The following MIER1 variants were observed in gnomAD, a reference collection of about 807,000 sequenced individuals.
MIER1 encodes the protein MIER1 transcriptional regulator, also known as mesoderm induction early response protein 1.
MIER1 carries 40 observed loss-of-function variants against 75.7 expected under a neutral mutation model. The ratio of observed to expected loss-of-function variants is 0.53; its 90% CI spans 0.41 to 0.69. The LOEUF (loss-of-function observed/expected upper bound fraction) is 0.69. Ranked by LOEUF, MIER1 falls within the 30% of genes least tolerant of loss-of-function variation. MIER1 has a pLI of 0.00. For missense variants in MIER1, 574 were observed against 680.2 expected (o/e 0.84, Z 1.74); for synonymous variants, 213 against 223.4 (o/e 0.95, Z 0.42).
chr1:66,971,273 T>C (rs1663551827), intron 9 of MIER1, among the ~76,000 whole-genome samples: 1 of 152,110 alleles, frequency 6.6e-6, no homozygotes, highest in Non-Finnish European at 1.5e-5. Context: ...CTTATGTACA[T>C]GGTAAGACCA....
chr1:66,925,868 A>G (rs751084870), intron 1 of MIER1, among the ~76,000 whole-genome samples: 1 of 152,218 alleles, frequency 6.6e-6, no homozygotes, highest in Non-Finnish European at 1.5e-5. Context: ...TGACTTGGCT[A>G]TTGAGGCCGC....
intron 2 of MIER1, among the ~76,000 whole-genome samples, chr1:66,936,017 CTTTTTTAAA>C (rs1343382669): frequency 1.3e-5 from 2 of 151,870 alleles, no homozygotes; most frequent in East Asian, 3.9e-4. Context: ...GTCTTGGTGT[CTTTTTTAAA>C]ATATATCAGT....
intron 3 of MIER1, among the ~76,000 whole-genome samples, chr1:66,945,709 T>C (rs1008194968): frequency 2.6e-5 from 4 of 152,090 alleles, no homozygotes; most frequent in Admixed American, 6.5e-5. Context: ...CAAAAAAATA[T>C]TAAAAAATTA....
chr1:66,950,260 C>T (rs1259239970), intron 4 of MIER1, among the ~76,000 whole-genome samples: 1 of 152,110 alleles, frequency 6.6e-6, no homozygotes, highest in African/African-American at 2.4e-5. Context: ...AGGCATGTGC[C>T]ACCAAGCCCA....
intron 8 of MIER1, among the ~76,000 whole-genome samples, chr1:66,964,232 C>A (rs1217677338): frequency 6.6e-6 from 1 of 151,124 alleles, no homozygotes; most frequent in East Asian, 2.0e-4. Flanking sequence ...CCACCACGCC[C>A]AGCTAATTTT....
At chr1:66,970,218 A>C (rs904301709) in intron 8 of MIER1, among the ~76,000 whole-genome samples, 1 of 152,228 alleles carries the variant, frequency 6.6e-6, no homozygotes, top group Non-Finnish European at 1.5e-5. Flanking sequence ...TTAAAAAAGT[A>C]ATGACTTGTT....
intron 10 of MIER1, 84 bp downstream of exon 10, chr1:66,971,820 T>C: frequency 1.6e-6 from 1 of 633,584 alleles, no homozygotes; most frequent in Non-Finnish European, 2.7e-6. Flanking sequence ...TAGCCTAAAC[T>C]TAATAATACT....
At chr1:66,931,446 T>C (rs1400128087) in intron 2 of MIER1, among the ~76,000 whole-genome samples, 2 of 152,212 alleles carry the variant, frequency 1.3e-5, no homozygotes, top group African/African-American at 4.8e-5. Flanking sequence ...TAAGCCACTG[T>C]AAATTTTGAT....
At chr1:66,928,740 C>T (rs1274906158) in intron 2 of MIER1, 1 of 537,980 alleles carries the variant, frequency 1.9e-6, no homozygotes, top group East Asian at 2.9e-5. Flanking sequence ...TATTTATTCC[C>T]CCAAGGAATC....
chr1:66,980,142 T>C (rs560651215), intron 12 of MIER1, among the ~76,000 whole-genome samples: 1 of 152,350 alleles, frequency 6.6e-6, no homozygotes, highest in African/African-American at 2.4e-5. Context: ...TCATCATGTG[T>C]CTTCTGTTAG....
chr1:66,982,515 C>T lies in MIER1; in HGVS notation c.1369+597C>T, dbSNP rs370609029. Among the ~76,000 whole-genome samples the T allele has an allele frequency of 3.3e-5, 5 of 152,198 alleles. No individual in the cohort carries two copies. In the East Asian group the frequency reaches 5.8e-4, roughly 18 times the overall value. On this transcript the variant is annotated intron_variant, in intron 13 of 13. Transcript: ENST00000401041. ...AAAATATACAGTGGACCAGAGATCA[C>T]TGTGCTGATCAGTAGTAAGAGCCAG...
At chr1:66,979,671 GATAATA>G in intron 12 of MIER1, among the ~76,000 whole-genome samples, 1 of 152,000 alleles carries the variant, frequency 6.6e-6, no homozygotes, top group African/African-American at 2.4e-5. Context: ...AGGAAACAAT[GATAATA>G]ATAATTACTA....
chr1:66,925,597 G>A, intron 1 of MIER1: 2 of 957,448 alleles, frequency 2.1e-6, no homozygotes, highest in Non-Finnish European at 2.5e-6. Context: ...GGAGAGACTC[G>A]AATAGGGTAT....
intron 7 of MIER1, among the ~76,000 whole-genome samples, chr1:66,960,484 AG>A (rs1661044364): frequency 6.6e-6 from 1 of 152,204 alleles, no homozygotes; most frequent in African/African-American, 2.4e-5. Flanking sequence ...TTATTGTAAA[AG>A]AACTGAGCTC....
chr1:66,947,992 T>C, intron 4 of MIER1: 1 of 984,918 alleles, frequency 1.0e-6, no homozygotes, highest in Non-Finnish European at 1.2e-6. Context: ...TTTTAATTAG[T>C]TTTTTGTTTT....
rs1389749764 is a variant in MIER1, at chr1:66,970,730, G to C, written c.773-78G>C. On this transcript the variant is annotated intron_variant, in intron 8 of 13. Transcript: ENST00000401041. Reference sequence around the variant, plus strand: ...AGTTCTCAACATTTGGCTCTGAGTTGTTTATTTAGTAATATGTTTTAACAC... The same window carrying C: ...AGTTCTCAACATTTGGCTCTGAGTTCTTTATTTAGTAATATGTTTTAACAC... 9 of 1,141,620 alleles carry C rather than the reference G, an allele frequency of 7.9e-6. No homozygotes were observed. The Admixed American group carries it at 1.1e-4, about 14-fold the overall frequency. The allele number at this position is 1,141,620 out of a possible 1,614,324, so 70.7% of individuals were successfully genotyped here. A position where few individuals can be genotyped will look rare whatever the true frequency, so the allele number is the denominator to read the frequency against.
In MIER1 at chr1:66,987,153, T is replaced by C. The variant is rs1666888503; in HGVS notation, c.*2253T>C. On this transcript the variant is annotated 3_prime_UTR_variant, in exon 14 of 14. Coordinates refer to ENST00000401041, the MANE Select transcript of MIER1 (RefSeq NM_001077700.3). ...AAAGACATTCCACTATTATGCGTAA[T>C]GCTCAGCTTTTTGTAAAGAAATATT... is the stretch of plus-strand genomic sequence containing the variant. The C allele has an allele frequency of 6.5e-6, 1 of 152,742 alleles. No homozygotes were observed. The highest frequency in any genetic ancestry group is 1.5e-5 in the Non-Finnish European group (1 of 67,968). The allele number at this position is 152,742 out of a possible 1,614,324, so 9.5% of individuals were successfully genotyped here. A position where few individuals can be genotyped will look rare whatever the true frequency, so the allele number is the denominator to read the frequency against.
chr1:66,962,241 A>T (rs924831215), intron 7 of MIER1, among the ~76,000 whole-genome samples: 1 of 152,182 alleles, frequency 6.6e-6, no homozygotes, highest in African/African-American at 2.4e-5. Flanking sequence ...TGGATTTCCT[A>T]TTTAATTATA....
intron 2 of MIER1, among the ~76,000 whole-genome samples, chr1:66,931,593 A>G (rs72926025): frequency 0.018 from 2,776 of 152,066 alleles, 81 homozygotes; most frequent in African/African-American, 0.065. Context: ...AAAACATTCA[A>G]TATCTCTAAT....
Sources: gnomAD v4.1 joint callset for allele counts (sites outside exome capture counted in the v4.1 genomes callset) on GRCh38, gnomAD v4.1.1 for gene constraint, MANE v1.5 for transcripts, NCBI Gene and HGNC (gene_info 2026-07-23, HGNC 2026-07-21) for gene names.